Variants in ERC1 observed in about 807,000 individuals in gnomAD.
ERC1 encodes ELKS/RAB6-interacting/CAST family member 1.
ERC1 carries 56 observed loss-of-function variants against 132.0 expected under a neutral mutation model. That is an observed-to-expected ratio of 0.42 (90% CI 0.34 to 0.53). ERC1 has a LOEUF of 0.53. Ranked by LOEUF, ERC1 falls within the 20% of genes least tolerant of loss-of-function variation. ERC1 has a pLI of 0.03. For missense variants in ERC1, 1,202 were observed against 1,349.9 expected (o/e 0.89, Z 1.72); for synonymous variants, 478 against 476.1 (o/e 1.00, Z -0.05).
At chr12:1,203,347 T>TG (rs1957087146) in intron 12 of ERC1, among the ~76,000 whole-genome samples, 1 of 152,176 alleles carries the variant, frequency 6.6e-6, no homozygotes, top group South Asian at 2.1e-4. Context: ...CGTGAGCCAC[T>TG]GCGCCTGCCC....
At chr12:1,162,027 T>A (rs932869055) in intron 8 of ERC1, among the ~76,000 whole-genome samples, 4 of 152,238 alleles carry the variant, frequency 2.6e-5, no homozygotes, top group Non-Finnish European at 5.9e-5. Flanking sequence ...TATAAGTTAG[T>A]CACATACTGT....
At chr12:1,408,054 T>C in intron 16 of ERC1, 95 bp from the exon 17 acceptor site, 1 of 809,808 alleles carries the variant, frequency 1.2e-6, no homozygotes, top group Non-Finnish European at 2.0e-6. Flanking sequence ...GGATTAGTTT[T>C]ATCCTTTCTT....
chr12:1,256,277 CTTT>C lies in ERC1; in HGVS notation c.2488-6746_2488-6744del, dbSNP rs34218918. 1.1e-3 allele frequency among the ~76,000 whole-genome samples: 154 copies of C among 143,170 alleles called. 1 individual carries two copies. Among genetic ancestry groups the C allele is most frequent in the African/African-American group, 3.8e-3 (149 of 39,336 alleles). 93.9% of individuals were successfully genotyped at this position (143,170 alleles called of 152,430 possible). ...ATTTAAAATTAGACTCTGTTTTTGCCTTTTTTTTTTTTTATAACTTTTTCCCTT... is the reference window on the plus strand; with the variant it reads ...ATTTAAAATTAGACTCTGTTTTTGCCTTTTTTTTTTATAACTTTTTCCCTT... On this transcript the variant is annotated intron_variant, in intron 13 of 18. Coordinates refer to ENST00000360905, the MANE Select transcript of ERC1 (RefSeq NM_178040.4).
chr12:1,264,529 T>G (rs2077355738), intron 14 of ERC1, among the ~76,000 whole-genome samples: 1 of 151,980 alleles, frequency 6.6e-6, no homozygotes, highest in African/African-American at 2.4e-5. Flanking sequence ...CTGGGCGTGG[T>G]GGCGGGCGCC....
chr12:1,038,361 G>GT (rs1478870739), intron 2 of ERC1, among the ~76,000 whole-genome samples: 214 of 149,266 alleles, frequency 1.4e-3, no homozygotes, highest in African/African-American at 4.7e-3. Context: ...TTAAAGTATA[G>GT]TTTTTTCTTT....
intron 17 of ERC1, among the ~76,000 whole-genome samples, chr12:1,418,660 TCTTTC>T (rs1565396561): frequency 9.3e-5 from 12 of 128,356 alleles, no homozygotes; most frequent in Admixed American, 2.4e-4. Flanking sequence ...TCTCTCTCTC[TCTTTC>T]TTTTCTTTCT....
At chr12:1,378,937 C>T (rs975354561) in intron 16 of ERC1, among the ~76,000 whole-genome samples, 1 of 152,070 alleles carries the variant, frequency 6.6e-6, no homozygotes, top group Non-Finnish European at 1.5e-5. Context: ...GACAAATACA[C>T]TATCAAAGGG....
At chr12:1,434,174 A>G (rs1255909012) in intron 17 of ERC1, among the ~76,000 whole-genome samples, 2 of 152,068 alleles carry the variant, frequency 1.3e-5, no homozygotes, top group Non-Finnish European at 2.9e-5. Flanking sequence ...AACACCCGTA[A>G]TATATTAGAT....
intron 18 of ERC1, among the ~76,000 whole-genome samples, chr12:1,452,379 T>C (rs1047344384): frequency 3.3e-5 from 5 of 152,162 alleles, no homozygotes; most frequent in African/African-American, 1.2e-4. Flanking sequence ...TTATCTTTAG[T>C]TTTCAACCAT....
chr12:1,265,205 T>G (rs543499457), intron 14 of ERC1, among the ~76,000 whole-genome samples: 1 of 152,344 alleles, frequency 6.6e-6, no homozygotes, highest in African/African-American at 2.4e-5. Context: ...TTACCCTTTT[T>G]ATATTCTCTC....
intron 8 of ERC1, among the ~76,000 whole-genome samples, chr12:1,147,250 G>A (rs1950463999): frequency 6.6e-6 from 1 of 152,138 alleles, no homozygotes; most frequent in Admixed American, 6.5e-5. Flanking sequence ...GCATAATGTT[G>A]GCTGTGGCTT....
intron 2 of ERC1, among the ~76,000 whole-genome samples, chr12:1,078,540 T>C (rs914406199): frequency 1.9e-4 from 29 of 151,684 alleles, no homozygotes; most frequent in Non-Finnish European, 3.1e-4. Flanking sequence ...AAAAGCATAA[T>C]ACCCAAACCG....
At chr12:1,451,299 A>G (rs1270005056) in intron 18 of ERC1, among the ~76,000 whole-genome samples, 1 of 152,092 alleles carries the variant, frequency 6.6e-6, no homozygotes, top group Non-Finnish European at 1.5e-5. Context: ...TCCATCTGTC[A>G]TCATATTCCT....
Position 1,255,363 on chromosome 12 carries a change from G to A in ERC1, c.2488-7671G>A, listed in dbSNP as rs1594579020. Reference sequence around the variant, plus strand: ...TCTATCGCTGATGGACATTTAGGTTGGTTCCAAGTCGTTGCTATTGTGAAC... The same window carrying A: ...TCTATCGCTGATGGACATTTAGGTTAGTTCCAAGTCGTTGCTATTGTGAAC... On this transcript the variant is annotated intron_variant, in intron 13 of 18. Coordinates refer to ENST00000360905, the MANE Select transcript of ERC1 (RefSeq NM_178040.4). Among the ~76,000 whole-genome samples the A allele has an allele frequency of 4.6e-5, 7 of 152,160 alleles. No individual in the cohort carries two copies. The South Asian group carries it at 8.3e-4, about 18-fold the overall frequency.
intron 11 of ERC1, 75 bp downstream of exon 11, chr12:1,183,496 T>C: frequency 2.1e-6 from 2 of 971,066 alleles, no homozygotes; most frequent in East Asian, 2.7e-5. Flanking sequence ...CATGTTTATA[T>C]GGAATAATTT....
chr12:1,214,838 T>C (rs963786801), intron 12 of ERC1, among the ~76,000 whole-genome samples: 2 of 152,100 alleles, frequency 1.3e-5, no homozygotes, highest in African/African-American at 4.8e-5. Flanking sequence ...TCCCATGTCA[T>C]AAATAAAAAA....
chr12:1,449,605 G>A (rs897696240), intron 18 of ERC1, among the ~76,000 whole-genome samples: 1 of 152,154 alleles, frequency 6.6e-6, no homozygotes, highest in African/African-American at 2.4e-5. Flanking sequence ...AGAAGTGTGA[G>A]TCAATTAAAC....
intron 4 of ERC1, among the ~76,000 whole-genome samples, chr12:1,107,864 C>A (rs1470006810): frequency 6.6e-6 from 1 of 151,956 alleles, no homozygotes; most frequent in African/African-American, 2.4e-5. Flanking sequence ...GGAGAGAGTT[C>A]ATGGGAAAAA....
intron 15 of ERC1, among the ~76,000 whole-genome samples, chr12:1,365,549 T>A (rs2154372270): frequency 6.6e-6 from 1 of 152,280 alleles, no homozygotes; most frequent in Admixed American, 6.5e-5. Context: ...CTTTGTGGAG[T>A]TTGTATTCCA....
Sources: allele counts gnomAD v4.1 joint callset (sites outside exome capture counted in the v4.1 genomes callset), GRCh38; gene constraint gnomAD v4.1.1; transcripts MANE v1.5; gene names NCBI Gene and HGNC (gene_info 2026-07-23, HGNC 2026-07-21).